Variants in PGM5 observed in about 807,000 individuals in gnomAD.
PGM5 encodes the protein phosphoglucomutase-like protein 5.
PGM5 carries 23 observed loss-of-function variants against 59.2 expected under a neutral mutation model. The observed-to-expected ratio is 0.39, with a 90% CI of 0.28 to 0.55. PGM5 has a LOEUF of 0.55. Among genes scored for constraint, PGM5 ranks in the 20% least tolerant of loss-of-function variants. The pLI, the probability that PGM5 is intolerant of heterozygous loss-of-function variation, is 0.66. For missense variants in PGM5, 574 were observed against 748.3 expected (o/e 0.77, Z 2.72); for synonymous variants, 214 against 286.0 (o/e 0.75, Z 2.54).
At position 68,357,013 on chromosome 9, in the gene PGM5, G is replaced by A. The variant is rs1285993194; in HGVS notation, c.-115G>A. The A allele has an allele frequency of 1.1e-5, 13 of 1,142,520 alleles. No homozygotes were observed. The highest frequency in any genetic ancestry group is 8.3e-5 in the African/African-American group (5 of 60,456). The allele number at this position is 1,142,520 out of a possible 1,614,324, so 70.8% of individuals were successfully genotyped here. The stretch of plus-strand genomic sequence containing the variant: ...GCGCAGGGCGCCGACCTGCTGGAGA[G>A]GGGGCCCGGGCGCGAGGCGGAGTCC... On this transcript the variant is annotated 5_prime_UTR_variant, in exon 1 of 11. Transcript: ENST00000396396.
At chr9:68,449,699 A>G (rs1329727895) in intron 6 of PGM5, among the ~76,000 whole-genome samples, 4 of 152,212 alleles carry the variant, frequency 2.6e-5, no homozygotes, top group African/African-American at 7.2e-5. Flanking sequence ...AAAGCTAGTG[A>G]AAGGTGGGCA....
At chr9:68,373,489 A>G (rs529965323) in intron 1 of PGM5, among the ~76,000 whole-genome samples, 3 of 152,352 alleles carry the variant, frequency 2.0e-5, no homozygotes, top group African/African-American at 7.2e-5. Context: ...CTGAAATTTA[A>G]TAAGATAAAA....
intron 10 of PGM5, among the ~76,000 whole-genome samples, chr9:68,523,542 G>A (rs1419658830): frequency 2.6e-5 from 4 of 152,216 alleles, no homozygotes; most frequent in African/African-American, 9.6e-5. Flanking sequence ...TTCAGGTTTA[G>A]CAGGTTTTAA....
chr9:68,388,569 G>A (rs1822286569), intron 4 of PGM5, among the ~76,000 whole-genome samples: 2 of 151,966 alleles, frequency 1.3e-5, no homozygotes, highest in Non-Finnish European at 2.9e-5. Context: ...CGTACATTTT[G>A]GAGGAACACA....
chr9:68,504,717 A>T (rs1304319515), intron 10 of PGM5, among the ~76,000 whole-genome samples: 4 of 151,970 alleles, frequency 2.6e-5, no homozygotes, highest in African/African-American at 7.3e-5. Context: ...ATATATATAT[A>T]TATTTATTTT....
At chr9:68,513,807 T>C (rs1292909568) in intron 10 of PGM5, among the ~76,000 whole-genome samples, 1 of 152,224 alleles carries the variant, frequency 6.6e-6, no homozygotes, top group Non-Finnish European at 1.5e-5. Context: ...TTTGATGATA[T>C]ACTGAGATTT....
chr9:68,378,741 A>G (rs1821989237), intron 2 of PGM5, among the ~76,000 whole-genome samples: 1 of 152,174 alleles, frequency 6.6e-6, no homozygotes, highest in Non-Finnish European at 1.5e-5. Context: ...AGGGTTGATC[A>G]GGGTCAGATT....
chr9:68,465,662 C>T (rs932498873), intron 7 of PGM5, among the ~76,000 whole-genome samples: 20 of 152,108 alleles, frequency 1.3e-4, no homozygotes, highest in African/African-American at 4.6e-4. Context: ...TCAGAAAAAC[C>T]ACATAACCAC....
At chr9:68,441,737 G>C (rs1404366807) in intron 6 of PGM5, among the ~76,000 whole-genome samples, 1 of 152,056 alleles carries the variant, frequency 6.6e-6, no homozygotes, top group East Asian at 1.9e-4. Context: ...TATTGCACTA[G>C]CAGACCCAGC....
At chr9:68,496,187 TG>T (rs1278177146) in intron 9 of PGM5, among the ~76,000 whole-genome samples, 19 of 152,366 alleles carry the variant, frequency 1.2e-4, no homozygotes, top group Non-Finnish European at 5.9e-5. Flanking sequence ...TTGCAAGTCT[TG>T]GTCAGTGGTA....
At chr9:68,505,317 C>A (rs563146860) in intron 10 of PGM5, among the ~76,000 whole-genome samples, 28 of 152,274 alleles carry the variant, frequency 1.8e-4, no homozygotes, top group African/African-American at 5.8e-4. Flanking sequence ...TCAGATCAAT[C>A]AATTCTGTGA....
chr9:68,469,938 G>T (rs1287868137), intron 7 of PGM5, among the ~76,000 whole-genome samples: 1 of 152,074 alleles, frequency 6.6e-6, no homozygotes, highest in African/African-American at 2.4e-5. Flanking sequence ...GGGTATTTGG[G>T]TATCCCAAGA....
chr9:68,487,447 C>CTCTCTCTCTG (rs10648860), intron 9 of PGM5, among the ~76,000 whole-genome samples: 116 of 146,742 alleles, frequency 7.9e-4, no homozygotes, highest in Admixed American at 1.5e-3. Context: ...CTCTCTCTCT[C>CTCTCTCTCTG]TGTGTCACAC....
intron 10 of PGM5, among the ~76,000 whole-genome samples, chr9:68,513,761 G>A (rs936597233): frequency 4.6e-5 from 7 of 152,196 alleles, no homozygotes; most frequent in Non-Finnish European, 1.0e-4. Flanking sequence ...TTACAGTCAG[G>A]ACAGTCAGTG....
rs1189773443 is a variant in PGM5 at position 68,439,420 on chromosome 9, T to A, written c.1044-25673T>A. Among the ~76,000 whole-genome samples the A allele has an allele frequency of 5.5e-5, 8 of 146,280 alleles. No homozygotes were observed. The Admixed American group carries it at 5.5e-4, about 10-fold the overall frequency. The stretch of plus-strand genomic sequence containing the variant: ...GTCTGCTTATATATATAAATATATA[T>A]AATATAATATATAAATATATATTAT... On this transcript the variant is annotated intron_variant, in intron 6 of 10. Transcript: ENST00000396396.
chr9:68,360,525 G>A lies in PGM5; in HGVS notation c.261+3137G>A, dbSNP rs1834555468. 2.7e-5 allele frequency among the ~76,000 whole-genome samples: 4 copies of A among 150,176 alleles called. No individual in the cohort carries two copies. In the South Asian group the frequency reaches 8.4e-4, roughly 32 times the overall value. On this transcript the variant is annotated intron_variant, in intron 1 of 10. Coordinates refer to ENST00000396396, the MANE Select transcript of PGM5 (RefSeq NM_021965.4). ...ATATACCCTGTTCAATGTTTATTGT[G>A]GGTCAGGATATTTTTGAAGCTATAG...
intron 1 of PGM5, among the ~76,000 whole-genome samples, chr9:68,359,729 G>C (rs1315096750): frequency 3.9e-5 from 6 of 152,144 alleles, no homozygotes; most frequent in African/African-American, 1.4e-4. Context: ...TAGAAAACTA[G>C]AATTTATTCT....
rs192623777 is a variant in PGM5, at chr9:68,387,231, A to G, written c.572-232A>G. 2.1e-3 allele frequency among the ~76,000 whole-genome samples: 317 copies of G among 152,120 alleles called. 2 individuals are homozygous for G. The highest frequency in any genetic ancestry group is 7.2e-3 in the African/African-American group (300 of 41,532). Reference sequence around the variant, plus strand: ...TTTTCCTTGCAAAGAAGAATTTATAACTTGGTATCATTTATACCCATTGAG... The same window carrying G: ...TTTTCCTTGCAAAGAAGAATTTATAGCTTGGTATCATTTATACCCATTGAG... On this transcript the variant is annotated intron_variant, in intron 3 of 10. Transcript: ENST00000396396.
chr9:68,499,396 C>T (rs12685375), intron 10 of PGM5, 35 bp downstream of exon 10: 596,281 of 1,600,394 alleles, frequency 0.37, 114,492 homozygotes, highest in Admixed American at 0.43. Context: ...CAGTGTGTCT[C>T]GCAGCTCCTG....
Sources: allele counts gnomAD v4.1 joint callset (sites outside exome capture counted in the v4.1 genomes callset), GRCh38; gene constraint gnomAD v4.1.1; transcripts MANE v1.5; gene names NCBI Gene and HGNC (gene_info 2026-07-23, HGNC 2026-07-21).